Variants in CUL5 observed in about 807,000 individuals in gnomAD.
CUL5 encodes cullin 5, also known as cullin-5.
CUL5 carries 26 observed loss-of-function variants against 108.8 expected under a neutral mutation model. That is an observed-to-expected ratio of 0.24 (90% CI 0.18 to 0.33). The LOEUF is 0.33. Among genes scored for constraint, CUL5 ranks in the 10% least tolerant of loss-of-function variants. The pLI is 1.00. For missense variants in CUL5, 524 were observed against 909.2 expected, an observed-to-expected ratio of 0.58 and a Z score of 5.45; for synonymous variants, 334 against 298.0, an observed-to-expected ratio of 1.12 and a Z score of -1.25.
At chr11:108,068,667 C>A (rs1246299727) in intron 7 of CUL5, among the ~76,000 whole-genome samples, 1 of 152,122 alleles carries the variant, frequency 6.6e-6, no homozygotes, top group East Asian at 1.9e-4. Flanking sequence ...AATATATCAG[C>A]CTTATTGTAC....
rs183732079 is a variant in CUL5, at chr11:108,036,260, T to C, written c.134+2349T>C. Reference sequence around the variant, plus strand: ...TAGTAAATATCATCCATTGTGGAGATTTATTCTGCTCCCAATACTCAGAGA... The same window carrying C: ...TAGTAAATATCATCCATTGTGGAGACTTATTCTGCTCCCAATACTCAGAGA... On this transcript the variant is annotated intron_variant, in intron 2 of 18. Transcript: ENST00000393094. 1.9e-4 allele frequency among the ~76,000 whole-genome samples: 29 copies of C among 152,314 alleles called. No homozygotes were observed. The East Asian group carries it at 5.0e-3, about 26-fold the overall frequency.
intron 1 of CUL5, among the ~76,000 whole-genome samples, chr11:108,028,344 G>A (rs1862499404): frequency 6.6e-6 from 1 of 152,082 alleles, no homozygotes; most frequent in Non-Finnish European, 1.5e-5. Context: ...TATCTCAGAT[G>A]CTTACTGTTA....
At chr11:108,095,120 T>G in intron 15 of CUL5, 133 bp downstream of exon 15, 3 of 702,936 alleles carry the variant, frequency 4.3e-6, no homozygotes, top group Non-Finnish European at 6.8e-6. Context: ...AGTGAATTTT[T>G]TTCATGAAGT....
At position 108,009,199 on chromosome 11, in the gene CUL5, G is replaced by T. The variant is rs574804198; in HGVS notation, c.-150G>T. On this transcript the variant is annotated 5_prime_UTR_variant, in exon 1 of 19. Coordinates refer to ENST00000393094, the MANE Select transcript of CUL5 (RefSeq NM_003478.6). ...GCTCCTGGTGCTTGGGACGAGGTCAGCGCTGTCGGCGCGCTGCTCCAGCGC... is the reference window on the plus strand; with the variant it reads ...GCTCCTGGTGCTTGGGACGAGGTCATCGCTGTCGGCGCGCTGCTCCAGCGC... 92 of 740,304 alleles carry T rather than the reference G, an allele frequency of 1.2e-4. No homozygotes were observed. The African/African-American group carries it at 1.3e-3, about 10-fold the overall frequency. The allele number at this position is 740,304 out of a possible 1,614,324, so 45.9% of individuals were successfully genotyped here.
chr11:108,031,269 G>A (rs1862574550), intron 1 of CUL5, among the ~76,000 whole-genome samples: 1 of 151,710 alleles, frequency 6.6e-6, no homozygotes, highest in Admixed American at 6.6e-5. Context: ...GGAGGCTGAG[G>A]CATGAAAATC....
intron 1 of CUL5, among the ~76,000 whole-genome samples, chr11:108,032,268 A>T (rs1862607458): frequency 6.6e-6 from 1 of 152,124 alleles, no homozygotes. Flanking sequence ...GCATTTTGGG[A>T]GACTCAGGTG....
intron 16 of CUL5, among the ~76,000 whole-genome samples, chr11:108,097,108 C>G (rs1012622681): frequency 1.3e-5 from 2 of 152,156 alleles, no homozygotes; most frequent in Non-Finnish European, 2.9e-5. Context: ...ACCTCCATCT[C>G]CCAGGTTCAA....
At chr11:108,078,033 G>A (rs569528264) in intron 10 of CUL5, 143 bp from the exon 11 acceptor site, 73 of 509,472 alleles carry the variant, frequency 1.4e-4, no homozygotes, top group African/African-American at 1.3e-3. Context: ...ACTTGCTAAA[G>A]TCTTTGACTA....
At chr11:108,034,013 A>G (rs1460686779) in intron 2 of CUL5, 102 bp downstream of exon 2, 11 of 702,144 alleles carry the variant, frequency 1.6e-5, no homozygotes, top group East Asian at 2.7e-5. Context: ...CTGTTTACCT[A>G]TTAAAAAGTA....
intron 15 of CUL5, 54 bp downstream of exon 15, chr11:108,095,041 G>C: frequency 7.0e-7 from 1 of 1,436,220 alleles, no homozygotes; most frequent in Non-Finnish European, 9.5e-7. Flanking sequence ...GAAAGTAGCA[G>C]GACTCCGCAG....
At chr11:108,037,779 CTGTT>C (rs1213114617) in intron 2 of CUL5, among the ~76,000 whole-genome samples, 3 of 152,198 alleles carry the variant, frequency 2.0e-5, no homozygotes, top group South Asian at 2.1e-4. Context: ...GTAAGTCACA[CTGTT>C]TGTGTAAACA....
At chr11:108,012,682 C>G (rs554351954) in intron 1 of CUL5, among the ~76,000 whole-genome samples, 1 of 148,948 alleles carries the variant, frequency 6.7e-6, no homozygotes, top group Non-Finnish European at 1.5e-5. Flanking sequence ...CTGCAACCTC[C>G]GCCTCCCAGG....
intron 1 of CUL5, among the ~76,000 whole-genome samples, chr11:108,032,696 T>C (rs1277670862): frequency 2.0e-5 from 3 of 152,202 alleles, no homozygotes; most frequent in Non-Finnish European, 1.5e-5. Flanking sequence ...TCTGATTGTT[T>C]TGATATGACA....
At chr11:108,041,980 G>T (rs775618010) in intron 2 of CUL5, among the ~76,000 whole-genome samples, 1 of 152,104 alleles carries the variant, frequency 6.6e-6, no homozygotes, top group African/African-American at 2.4e-5. Flanking sequence ...TGTTACTTTT[G>T]TTATAGTAAA....
At chr11:108,041,757 A>G in intron 2 of CUL5, among the ~76,000 whole-genome samples, 1 of 151,666 alleles carries the variant, frequency 6.6e-6, no homozygotes. Context: ...AGCCTGGCTA[A>G]TTTTTCGTAT....
intron 1 of CUL5, among the ~76,000 whole-genome samples, chr11:108,030,025 T>C (rs1352050947): frequency 6.6e-6 from 1 of 152,252 alleles, no homozygotes; most frequent in Non-Finnish European, 1.5e-5. Flanking sequence ...GTGTTCTTTC[T>C]ATGGTTCTTT....
chr11:108,075,123 TAATTC>T (rs1565259730), intron 10 of CUL5, among the ~76,000 whole-genome samples: 3 of 151,744 alleles, frequency 2.0e-5, no homozygotes, highest in African/African-American at 4.8e-5. Context: ...CTTATTTAAA[TAATTC>T]AATTAAGTGA....
intron 7 of CUL5, among the ~76,000 whole-genome samples, chr11:108,066,069 G>A (rs1476459955): frequency 1.3e-5 from 2 of 152,078 alleles, no homozygotes; most frequent in African/African-American, 4.8e-5. Context: ...GGCTGGCCGT[G>A]GTGGCTCACG....
chr11:108,046,414 GATA>G (rs1863067770), intron 3 of CUL5, 45 bp downstream of exon 3: 1 of 1,064,782 alleles, frequency 9.4e-7, no homozygotes, highest in African/African-American at 1.6e-5. Context: ...AAACTACTCA[GATA>G]ATATCATATT....
Sources: allele counts gnomAD v4.1 joint callset (sites outside exome capture counted in the v4.1 genomes callset), GRCh38; gene constraint gnomAD v4.1.1; transcripts MANE v1.5; gene names NCBI Gene and HGNC (gene_info 2026-07-23, HGNC 2026-07-21).